DMD: variants seen among roughly 807,000 people sequenced by gnomAD.
DMD encodes dystrophin.
Under a neutral mutation model 330.1 loss-of-function variants are expected in DMD, and 63 were observed. That is an observed-to-expected ratio of 0.19 (90% confidence interval 0.16 to 0.24). The LOEUF (loss-of-function observed/expected upper bound fraction) is 0.24. DMD is among the 10% of genes least tolerant of loss of function. The pLI is 1.00. For synonymous variants in DMD, 1,223 were observed against 959.8 expected, an observed-to-expected ratio of 1.27 and a Z score of -5.07; for missense variants, 3,344 against 2,684.1, an observed-to-expected ratio of 1.25 and a Z score of -5.43.
chrX:32,642,515 G>C (rs1195993229), intron 11 of DMD, among the ~76,000 whole-genome samples: 2 of 111,922 alleles, frequency 1.8e-5, no homozygotes, highest in Non-Finnish European at 3.8e-5. Context: ...GAAATTACAC[G>C]CACAGAAGTC....
chrX:32,141,111 T>C (rs988014244), intron 44 of DMD, among the ~76,000 whole-genome samples: 1 of 110,397 alleles, frequency 9.1e-6, no homozygotes, highest in Non-Finnish European at 1.9e-5. Context: ...CCCTATGCAG[T>C]AACATTTAAT....
At chrX:32,509,018 A>G (rs2044972371) in intron 18 of DMD, among the ~76,000 whole-genome samples, 1 of 108,829 alleles carries the variant, frequency 9.2e-6, no homozygotes, top group Admixed American at 9.8e-5. Context: ...CATGGTGTCA[A>G]CCATGATGGT....
intron 44 of DMD, among the ~76,000 whole-genome samples, chrX:32,155,973 AACACACACACACACACACACACAC>A (rs60347530): frequency 2.1e-5 from 2 of 95,747 alleles, no homozygotes; most frequent in Non-Finnish European, 4.2e-5. Flanking sequence ...TTTGTCATTC[AACACACACACACACACACACACAC>A]ACACACACAC....
intron 60 of DMD, among the ~76,000 whole-genome samples, chrX:31,386,239 G>A (rs1298195646): frequency 1.8e-5 from 2 of 111,480 alleles, no homozygotes; most frequent in Non-Finnish European, 1.9e-5. Flanking sequence ...GGTGAGGGGA[G>A]GGAGGAGGGA....
At chrX:32,881,837 A>C (rs1286030044) in intron 2 of DMD, among the ~76,000 whole-genome samples, 1 of 111,483 alleles carries the variant, frequency 9.0e-6, no homozygotes, top group Non-Finnish European at 1.9e-5. Flanking sequence ...CGCTGAGGCA[A>C]AGACTCTGCA....
chrX:32,427,636 AT>A (rs1194861265), intron 29 of DMD, among the ~76,000 whole-genome samples: 3 of 107,849 alleles, frequency 2.8e-5, no homozygotes, highest in African/African-American at 1.0e-4. Flanking sequence ...AAAAAAAAAA[AT>A]TTTCTAACCT....
intron 60 of DMD, among the ~76,000 whole-genome samples, chrX:31,371,356 T>C (rs1259863315): frequency 9.0e-6 from 1 of 111,673 alleles, no homozygotes; most frequent in Non-Finnish European, 1.9e-5. Flanking sequence ...TCTAGAAGCT[T>C]AGATTTCTTT....
chrX:32,620,790 A>C (rs2057931315), intron 11 of DMD, among the ~76,000 whole-genome samples: 1 of 112,023 alleles, frequency 8.9e-6, no homozygotes, highest in Admixed American at 9.5e-5. Flanking sequence ...AAATACAAAA[A>C]TAATTAGAAT....
chrX:32,492,049 CAG>C (rs1395268485), intron 19 of DMD, among the ~76,000 whole-genome samples: 1 of 111,955 alleles, frequency 8.9e-6, no homozygotes, highest in Non-Finnish European at 1.9e-5. Context: ...TAGAAATAAA[CAG>C]ATTGTCGGCT....
chrX:31,792,408 T>G (rs2091613800), intron 50 of DMD, among the ~76,000 whole-genome samples: 1 of 112,284 alleles, frequency 8.9e-6, no homozygotes, highest in Admixed American at 9.4e-5. Context: ...GTTCTACCAT[T>G]AGAAATTAGC....
At chrX:31,148,266 T>A (rs1602155678) in intron 74 of DMD, among the ~76,000 whole-genome samples, 1 of 112,356 alleles carries the variant, frequency 8.9e-6, no homozygotes, top group East Asian at 2.8e-4. Flanking sequence ...ATAACATTAT[T>A]TTGCATGTTT....
chrX:31,362,289 A>G (rs1240106445), intron 60 of DMD, among the ~76,000 whole-genome samples: 7 of 112,113 alleles, frequency 6.2e-5, no homozygotes, highest in Non-Finnish European at 1.1e-4. Context: ...AATGCTCCAA[A>G]TTTTGAAACT....
At position 31,496,846 on chromosome X, in the gene DMD, C is replaced by T. The variant is rs757219404; in HGVS notation, c.8489G>A (p.Arg2830Gln). 12 of 1,210,484 alleles carry T rather than the reference C, an allele frequency of 9.9e-6. No homozygotes were observed. The highest frequency in any genetic ancestry group is 7.0e-5 in the African/African-American group (4 of 57,391). ...WLQLKDDELS[R>Q]QAPIGGDFPA... ...AAAGTCGCCTCCAATAGGTGCCTGC[C>T]GGCTTAATTCATCATCTTTCAGCTG... is the stretch of plus-strand genomic sequence containing the variant. The change falls in exon 57 of 79, where the codon CGG (arginine) becomes CAG (glutamine). Residue 2830 changes from arginine (R) to glutamine (Q), a missense_variant. By Grantham distance (43) the Arg-to-Gln change is conservative. Coordinates refer to ENST00000357033, the MANE Select transcript of DMD (RefSeq NM_004006.3).
chrX:31,482,256 T>A (rs2068363347), intron 57 of DMD, among the ~76,000 whole-genome samples: 1 of 93,077 alleles, frequency 1.1e-5, no homozygotes, highest in Non-Finnish European at 2.1e-5. Flanking sequence ...GTTCTGTGCA[T>A]GGGGGACAGA....
At chrX:31,646,233 A>G (rs5972426) in intron 54 of DMD, among the ~76,000 whole-genome samples, 1,915 of 104,734 alleles carry the variant, frequency 0.018, 21 homozygotes, top group East Asian at 0.04. Flanking sequence ...CCACTGTTCT[A>G]TCACATTGTG....
intron 44 of DMD, among the ~76,000 whole-genome samples, chrX:32,079,715 C>T (rs1328903437): frequency 1.8e-5 from 2 of 111,872 alleles, no homozygotes; most frequent in Admixed American, 1.9e-4. Flanking sequence ...CATCCTGTCA[C>T]AATCTGTAAT....
At chrX:31,482,972 T>C (rs933447029) in intron 57 of DMD, among the ~76,000 whole-genome samples, 2 of 109,363 alleles carry the variant, frequency 1.8e-5, no homozygotes, top group Non-Finnish European at 1.9e-5. Context: ...ACCCTAGATA[T>C]ATGTTACGAC....
intron 4 of DMD, among the ~76,000 whole-genome samples, chrX:32,840,200 C>G (rs2080039563): frequency 8.9e-6 from 1 of 111,894 alleles, no homozygotes; most frequent in Non-Finnish European, 1.9e-5. Context: ...TGCTTTTGAA[C>G]AACTCCTTCT....
At position 32,138,238 on chromosome X, in the gene DMD, T is replaced by C. The variant is rs2096736504; in HGVS notation, c.6438+78678A>G. Among the ~76,000 whole-genome samples, 5 of 110,976 alleles carry C rather than the reference T, an allele frequency of 4.5e-5. No individual in the cohort carries two copies. In the South Asian group the frequency reaches 1.9e-3, roughly 43 times the overall value. On this transcript the variant is annotated intron_variant, in intron 44 of 78. Coordinates refer to ENST00000357033, the MANE Select transcript of DMD (RefSeq NM_004006.3). ...CAGTGTACCAATTCCTTTCCCTATA[T>C]ATTTTTTCTTTTTTTCAAATCCTAT... is the stretch of plus-strand genomic sequence containing the variant.
Sources: gnomAD v4.1 joint callset for allele counts (sites outside exome capture counted in the v4.1 genomes callset) on GRCh38, gnomAD v4.1.1 for gene constraint, MANE v1.5 for transcripts, NCBI Gene and HGNC (gene_info 2026-07-23, HGNC 2026-07-21) for gene names.